Variants in FDX1 observed in about 807,000 individuals in gnomAD.
The protein encoded by FDX1 is adrenodoxin, mitochondrial.
In FDX1, 9 loss-of-function variants were observed where a neutral mutation model predicts 14.9. That is an observed-to-expected ratio of 0.60 (90% confidence interval 0.36 to 1.05). FDX1 has a LOEUF of 1.05. Ranked by LOEUF, FDX1 falls within the 50% of genes least tolerant of loss-of-function variation. The pLI, the probability that FDX1 is intolerant of heterozygous loss-of-function variation, is 0.01. For synonymous variants in FDX1, 92 were observed against 99.4 expected, an observed-to-expected ratio of 0.93 and a Z score of 0.44; for missense variants, 204 against 237.2, an observed-to-expected ratio of 0.86 and a Z score of 0.92.
intron 3 of FDX1, among the ~76,000 whole-genome samples, chr11:110,457,772 A>C (rs981093983): frequency 2.0e-5 from 3 of 152,190 alleles, no homozygotes; most frequent in Non-Finnish European, 4.4e-5. Flanking sequence ...GTTTTATTTC[A>C]TGTGTATTAT....
chr11:110,434,257 A>G (rs1340566548), intron 1 of FDX1, among the ~76,000 whole-genome samples: 3 of 152,180 alleles, frequency 2.0e-5, no homozygotes, highest in Admixed American at 1.3e-4. Flanking sequence ...TGAGATGTCA[A>G]ATACGCAGAA....
Position 110,462,493 on chromosome 11 carries a change from A to G in FDX1, c.*25A>G. On this transcript the variant is annotated 3_prime_UTR_variant, in exon 4 of 4. Coordinates refer to ENST00000260270, the MANE Select transcript of FDX1 (RefSeq NM_004109.5). ...AACTAGAACAAATAGGAATATTTTC[A>G]TGGAATTTTACCTATTTTTATAATT... The G allele has an allele frequency of 8.8e-7, 1 of 1,136,838 alleles. No homozygotes were observed. 70.4% of individuals were successfully genotyped at this position (1,136,838 alleles called of 1,614,324 possible). A position where few individuals can be genotyped will look rare whatever the true frequency, so the allele number is the denominator to read the frequency against.
chr11:110,435,734 A>T, intron 1 of FDX1, 100 bp from the exon 2 acceptor site: 2 of 835,294 alleles, frequency 2.4e-6, no homozygotes, highest in Non-Finnish European at 3.6e-6. Context: ...GGGCACCTGT[A>T]TTCCCATCTA....
At chr11:110,461,496 TA>T (rs59467093) in intron 3 of FDX1, among the ~76,000 whole-genome samples, 25,722 of 106,194 alleles carry the variant, frequency 0.24, 2,665 homozygotes, top group East Asian at 0.37. Flanking sequence ...GACCCTGTCT[TA>T]AAAAAAAAAA....
rs1400457074 is a variant in FDX1, at chr11:110,462,801, T to C, written c.*333T>C. 1 of 190,262 alleles carries C rather than the reference T, an allele frequency of 5.3e-6. No homozygotes were observed. The highest frequency in any genetic ancestry group is 1.1e-5 in the Non-Finnish European group (1 of 90,312). The allele number at this position is 190,262 out of a possible 1,614,324, so 11.8% of individuals were successfully genotyped here. ...ACCTAGAAGATAGGTTAAGGAAATA[T>C]ATTATTATTCCTGTTTGATGTGGGT... On this transcript the variant is annotated 3_prime_UTR_variant, in exon 4 of 4. Transcript: ENST00000260270.
chr11:110,453,463 A>G (rs1946499581), intron 2 of FDX1, among the ~76,000 whole-genome samples: 1 of 148,312 alleles, frequency 6.7e-6, no homozygotes, highest in South Asian at 2.1e-4. Flanking sequence ...AAAACAGAAA[A>G]GGAGTAACTT....
intron 1 of FDX1, among the ~76,000 whole-genome samples, chr11:110,435,572 G>T (rs186325541): frequency 6.6e-6 from 1 of 152,258 alleles, no homozygotes; most frequent in African/African-American, 2.4e-5. Context: ...CTTCGGCTAG[G>T]CATGGTGGCT....
intron 1 of FDX1, among the ~76,000 whole-genome samples, chr11:110,431,842 G>A (rs949221637): frequency 1.5e-4 from 23 of 152,112 alleles, no homozygotes; most frequent in African/African-American, 4.8e-4. Flanking sequence ...TCTATTCATG[G>A]TCTTATCATT....
rs1029130156 is a variant in FDX1 at position 110,463,306 on chromosome 11, C to G, written c.*838C>G. 4.6e-5 allele frequency: 7 copies of G among 152,346 alleles called. No individual in the cohort carries two copies. Among genetic ancestry groups the G allele is most frequent in the Non-Finnish European group, 1.0e-4 (7 of 68,040 alleles). 9.4% of individuals were successfully genotyped at this position (152,346 alleles called of 1,614,324 possible). A position where few individuals can be genotyped will look rare whatever the true frequency, so the allele number is the denominator to read the frequency against. ...TGAGCTGGAGAAGGGAATGAGCAGG[C>G]TGACACGTTGCACAGCCCCAGGTGG... On this transcript the variant is annotated 3_prime_UTR_variant, in exon 4 of 4. Coordinates refer to ENST00000260270, the MANE Select transcript of FDX1 (RefSeq NM_004109.5).
At chr11:110,433,561 C>T (rs892107455) in intron 1 of FDX1, among the ~76,000 whole-genome samples, 1 of 152,190 alleles carries the variant, frequency 6.6e-6, no homozygotes, top group African/African-American at 2.4e-5. Flanking sequence ...TTGATAACCT[C>T]CAAAGTGGCC....
chr11:110,434,579 C>T (rs974948626), intron 1 of FDX1, among the ~76,000 whole-genome samples: 10 of 152,118 alleles, frequency 6.6e-5, no homozygotes, highest in South Asian at 4.1e-4. Context: ...GTAATCCGCC[C>T]GCCTTGGCCT....
At chr11:110,443,458 G>C (rs928794930) in intron 2 of FDX1, among the ~76,000 whole-genome samples, 2 of 35,120 alleles carry the variant, frequency 5.7e-5, no homozygotes, top group Non-Finnish European at 1.2e-4. Context: ...TTTTTTTTTT[G>C]AGACGTAGTT....
At chr11:110,445,867 A>G (rs555005632) in intron 2 of FDX1, among the ~76,000 whole-genome samples, 7 of 152,338 alleles carry the variant, frequency 4.6e-5, no homozygotes, top group Admixed American at 1.3e-4. Flanking sequence ...ATAGGTATTA[A>G]TACAGATTCA....
intron 3 of FDX1, among the ~76,000 whole-genome samples, chr11:110,460,089 G>A (rs1946547232): frequency 6.6e-6 from 1 of 152,178 alleles, no homozygotes; most frequent in African/African-American, 2.4e-5. Flanking sequence ...AGAGCTCACT[G>A]CTGTCTTAAC....
intron 2 of FDX1, among the ~76,000 whole-genome samples, chr11:110,447,177 G>A (rs66814369): frequency 0.053 from 1,643 of 31,124 alleles, 54 homozygotes; most frequent in African/African-American, 0.11. Context: ...CTCCATCTTG[G>A]AAAAAAAAAA....
chr11:110,456,470 G>C (rs973582599), intron 2 of FDX1, among the ~76,000 whole-genome samples: 1 of 148,074 alleles, frequency 6.8e-6, no homozygotes, highest in Non-Finnish European at 1.5e-5. Flanking sequence ...GAGGCTTGTT[G>C]CCCCTGTTCT....
At chr11:110,445,509 T>C (rs1436461171) in intron 2 of FDX1, among the ~76,000 whole-genome samples, 2 of 152,136 alleles carry the variant, frequency 1.3e-5, no homozygotes, top group Non-Finnish European at 2.9e-5. Flanking sequence ...TAAAAACATA[T>C]CATCTTTTGC....
At chr11:110,458,700 C>T (rs370573421) in intron 3 of FDX1, among the ~76,000 whole-genome samples, 13 of 152,062 alleles carry the variant, frequency 8.5e-5, no homozygotes, top group Middle Eastern at 3.4e-3. Flanking sequence ...CTCTGCCTCC[C>T]GGGTTCAAGC....
intron 2 of FDX1, among the ~76,000 whole-genome samples, chr11:110,450,141 G>A (rs1203340211): frequency 1.3e-5 from 2 of 151,938 alleles, no homozygotes; most frequent in Non-Finnish European, 2.9e-5. Flanking sequence ...GATGGATTTG[G>A]GATGATTCAA....
Sources: gnomAD v4.1 joint callset for allele counts (sites outside exome capture counted in the v4.1 genomes callset) on GRCh38, gnomAD v4.1.1 for gene constraint, MANE v1.5 for transcripts, NCBI Gene and HGNC (gene_info 2026-07-23, HGNC 2026-07-21) for gene names.